FUBP3: variants seen among roughly 807,000 people sequenced by gnomAD.
FUBP3 encodes the protein far upstream element binding protein 3.
Under a neutral mutation model 85.6 loss-of-function variants are expected in FUBP3, and 28 were observed. The ratio of observed to expected loss-of-function variants is 0.33; its 90% CI spans 0.24 to 0.45. The LOEUF is 0.45. Ranked by LOEUF, FUBP3 falls within the 20% of genes least tolerant of loss-of-function variation. FUBP3 has a pLI of 1.00. For missense variants in FUBP3, 583 were observed against 755.1 expected, an observed-to-expected ratio of 0.77 and a Z score of 2.67; for synonymous variants, 271 against 271.4, an observed-to-expected ratio of 1.00 and a Z score of 0.01.
chr9:130,620,501 T>A, intron 9 of FUBP3, 43 bp downstream of exon 9: 7 of 910,932 alleles, frequency 7.7e-6, no homozygotes, highest in African/African-American at 1.7e-5. Flanking sequence ...AGATGAGGAC[T>A]AAAGTTGTAG....
intron 1 of FUBP3, among the ~76,000 whole-genome samples, chr9:130,595,072 C>G (rs1469593720): frequency 6.6e-6 from 1 of 151,228 alleles, no homozygotes; most frequent in Non-Finnish European, 1.5e-5. Flanking sequence ...ACTGAAAATA[C>G]AAAATTAGCT....
intron 1 of FUBP3, among the ~76,000 whole-genome samples, chr9:130,580,012 C>T (rs913587379): frequency 6.6e-6 from 1 of 152,206 alleles, no homozygotes; most frequent in African/African-American, 2.4e-5. Flanking sequence ...TTGCTTAGAG[C>T]GTCTGGCCCC....
rs554992046 is a variant in FUBP3, at chr9:130,635,564, G to A, written c.1583-435G>A. Among the ~76,000 whole-genome samples, 61 of 152,268 alleles carry A rather than the reference G, an allele frequency of 4.0e-4. No homozygotes were observed. The highest frequency in any genetic ancestry group is 1.3e-3 in the African/African-American group (56 of 41,546). ...AGAGTGCTGTAAGCTCAGCTGCCCA[G>A]TCTTCCCCAAATCCCAATTCCCAGA... On this transcript the variant is annotated intron_variant, in intron 17 of 18. Coordinates refer to ENST00000319725, the MANE Select transcript of FUBP3 (RefSeq NM_003934.2). This position sits in a 1 kb window ranked among gnomAD's most constrained non-coding sequence, Gnocchi z 4.3.
rs1210302287 is a variant in FUBP3, at chr9:130,589,681, A to T, written c.85-5802A>T. Among the ~76,000 whole-genome samples, 5 of 23,810 alleles carry T rather than the reference A, an allele frequency of 2.1e-4. 2 individuals are homozygous for T. The highest frequency in any genetic ancestry group is 1.4e-4 in the Non-Finnish European group (2 of 14,268). The allele number at this position is 23,810 out of a possible 152,430, so 15.6% of individuals were successfully genotyped here. Reference sequence around the variant, plus strand: ...AATATGTATGTATGTGTGTGTATATATATATATATATATATATATATATAT... The same window carrying T: ...AATATGTATGTATGTGTGTGTATATTTATATATATATATATATATATATAT... On this transcript the variant is annotated intron_variant, in intron 1 of 18. Coordinates refer to ENST00000319725, the MANE Select transcript of FUBP3 (RefSeq NM_003934.2).
intron 2 of FUBP3, among the ~76,000 whole-genome samples, chr9:130,602,366 T>G (rs973001756): frequency 6.6e-6 from 1 of 152,120 alleles, no homozygotes; most frequent in African/African-American, 2.4e-5. Flanking sequence ...ATTTCTGTGA[T>G]CCTTTCCAAG....
chr9:130,602,976 A>G (rs1168382696), intron 2 of FUBP3, among the ~76,000 whole-genome samples: 1 of 151,850 alleles, frequency 6.6e-6, no homozygotes, highest in South Asian at 2.1e-4. Context: ...GGGTGGAAAA[A>G]TCCCCAAGCA....
At chr9:130,630,302 A>G (rs530835285) in intron 12 of FUBP3, among the ~76,000 whole-genome samples, 19 of 152,326 alleles carry the variant, frequency 1.2e-4, no homozygotes, top group Middle Eastern at 3.4e-3. Flanking sequence ...GGTGAGCTCC[A>G]TGGTGTAGAC....
chr9:130,586,711 G>C (rs7048645), intron 1 of FUBP3, among the ~76,000 whole-genome samples: 10,280 of 150,838 alleles, frequency 0.068, 435 homozygotes, highest in African/African-American at 0.12. Context: ...AGGTGGTTGG[G>C]TGGTTTTTCA....
rs1830400576 is a variant in FUBP3 at position 130,635,972 on chromosome 9, A to G, written c.1583-27A>G. The G allele has an allele frequency of 2.5e-6, 4 of 1,611,074 alleles. No homozygotes were observed. In the East Asian group the frequency reaches 8.9e-5, roughly 36 times the overall value. ...GCCCAGTGCACCTCCGCTCCCGATA[A>G]CCTGTGTTTCCTCCTTTGTCAACCA... On this transcript the variant is annotated intron_variant, in intron 17 of 18. Transcript: ENST00000319725. The surrounding 1 kb of genome is among the most constrained non-coding windows in gnomAD (Gnocchi z 4.3).
chr9:130,620,207 A>T, intron 8 of FUBP3, 147 bp from the exon 9 acceptor site: 1 of 517,258 alleles, frequency 1.9e-6, no homozygotes, highest in Non-Finnish European at 3.5e-6. Flanking sequence ...ACATCCCCCT[A>T]CATGTCCCAT....
chr9:130,588,617 A>G (rs959900065), intron 1 of FUBP3, among the ~76,000 whole-genome samples: 14 of 152,196 alleles, frequency 9.2e-5, no homozygotes, highest in Admixed American at 2.0e-4. Context: ...ATCCCTGTGG[A>G]TACAATTCCA....
At chr9:130,592,249 G>A (rs906415925) in intron 1 of FUBP3, among the ~76,000 whole-genome samples, 10 of 152,080 alleles carry the variant, frequency 6.6e-5, no homozygotes, top group Non-Finnish European at 1.0e-4. Flanking sequence ...AAATGAGGAA[G>A]GTAAAAGATC....
chr9:130,612,870 A>G lies in FUBP3; in HGVS notation c.275-86A>G, dbSNP rs1341863288. ...TGTGTAGTATTGTGAGCCAAGTGTC[A>G]CAGTTTGTGGAATTAATTCAGTCAT... is the stretch of plus-strand genomic sequence containing the variant. On this transcript the variant is annotated intron_variant, in intron 4 of 18. Transcript: ENST00000319725. The surrounding 1 kb of genome is among the most constrained non-coding windows in gnomAD (Gnocchi z 4.1). The G allele has an allele frequency of 5.4e-6, 5 of 921,394 alleles. No homozygotes were observed. The highest frequency in any genetic ancestry group is 8.9e-6 in the Non-Finnish European group (5 of 559,028). The allele number at this position is 921,394 out of a possible 1,614,324, so 57.1% of individuals were successfully genotyped here. A position where few individuals can be genotyped will look rare whatever the true frequency, so the allele number is the denominator to read the frequency against.
chr9:130,634,027 C>T (rs1469486990), intron 16 of FUBP3, among the ~76,000 whole-genome samples: 10 of 152,160 alleles, frequency 6.6e-5, no homozygotes, highest in African/African-American at 2.4e-4. Context: ...GTCTTTGAAC[C>T]CCCTCTTGTG....
At chr9:130,595,438 A>T (rs1382164444) in intron 1 of FUBP3, 45 bp from the exon 2 acceptor site, 1 of 924,298 alleles carries the variant, frequency 1.1e-6, no homozygotes, top group East Asian at 2.4e-5. Context: ...CCTCAGATAG[A>T]GCCATGGTTT....
intron 11 of FUBP3, among the ~76,000 whole-genome samples, chr9:130,624,318 CAG>C (rs1829876628): frequency 6.6e-6 from 1 of 152,248 alleles, no homozygotes; most frequent in African/African-American, 2.4e-5. Context: ...GCAGCAGACT[CAG>C]GGTGCTTTGC....
At position 130,617,328 on chromosome 9, in the gene FUBP3, G is replaced by A. The variant is rs1832059397; in HGVS notation, c.568-469G>A. Among the ~76,000 whole-genome samples the A allele has an allele frequency of 2.0e-5, 3 of 152,318 alleles. No individual in the cohort carries two copies. The South Asian group carries it at 6.2e-4, about 32-fold the overall frequency. On this transcript the variant is annotated intron_variant, in intron 7 of 18. Transcript: ENST00000319725. ...CTCATAACCTGGTCCTTGGGTCCTG[G>A]TTGTAAGGATGGTATCCTAATGTAG...
rs904209588 is a variant in FUBP3 at position 130,609,832 on chromosome 9, A to G, written c.191-122A>G. ...TCATTTCAGCCACTGAGCCTAAATT[A>G]CTGTTTGCTTTCTTTCTGCCTTTCT... On this transcript the variant is annotated intron_variant, in intron 2 of 18. Transcript: ENST00000319725. The G allele has an allele frequency of 9.3e-6, 7 of 752,694 alleles. No individual in the cohort carries two copies. The African/African-American group carries it at 1.0e-4, about 11-fold the overall frequency. The allele number at this position is 752,694 out of a possible 1,614,324, so 46.6% of individuals were successfully genotyped here. A position where few individuals can be genotyped will look rare whatever the true frequency, so the allele number is the denominator to read the frequency against.
At chr9:130,604,089 T>C (rs574405198) in intron 2 of FUBP3, among the ~76,000 whole-genome samples, 1 of 152,332 alleles carries the variant, frequency 6.6e-6, no homozygotes, top group East Asian at 1.9e-4. Context: ...TCCAGCAACT[T>C]GGATCAATCT....
Sources: allele counts gnomAD v4.1 joint callset (sites outside exome capture counted in the v4.1 genomes callset), GRCh38; gene constraint gnomAD v4.1.1; non-coding constraint Gnocchi (gnomAD v3.1); transcripts MANE v1.5; gene names NCBI Gene and HGNC (gene_info 2026-07-23, HGNC 2026-07-21).